The following SVOP variants were observed in gnomAD, a reference collection of about 807,000 sequenced individuals.
SVOP encodes SV2 related protein, also known as synaptic vesicle 2-related protein.
In SVOP, 17 loss-of-function variants were observed where a neutral mutation model predicts 69.1. The observed-to-expected ratio is 0.25, with a 90% CI of 0.17 to 0.37. SVOP has a LOEUF of 0.37. SVOP is among the 10% of genes least tolerant of loss of function. The probability of loss-of-function intolerance (pLI) is 1.00; values close to 1 mark genes in which losing one functional copy is unlikely to be tolerated. For synonymous variants in SVOP, 238 were observed against 238.6 expected (o/e 1.00, Z 0.02); for missense variants, 435 against 597.5 (o/e 0.73, Z 2.84).
intron 2 of SVOP, among the ~76,000 whole-genome samples, chr12:108,980,229 C>A (rs1163503217): frequency 4.6e-5 from 7 of 151,914 alleles, no homozygotes; most frequent in Non-Finnish European, 5.9e-5. Context: ...AACACTAAAC[C>A]CAATATGTTA....
intron 1 of SVOP, among the ~76,000 whole-genome samples, chr12:108,993,259 C>G (rs191614746): frequency 6.6e-6 from 1 of 151,884 alleles, no homozygotes; most frequent in African/African-American, 2.4e-5. Flanking sequence ...CCACCTACCT[C>G]GGACTCCCAA....
At chr12:108,914,227 G>T (rs1329259275) in intron 15 of SVOP, among the ~76,000 whole-genome samples, 1 of 152,236 alleles carries the variant, frequency 6.6e-6, no homozygotes, top group Non-Finnish European at 1.5e-5. Flanking sequence ...TGACTGCTTA[G>T]TGGATCCAGG....
At chr12:108,960,586 C>G (rs1475240469) in intron 6 of SVOP, among the ~76,000 whole-genome samples, 1 of 152,114 alleles carries the variant, frequency 6.6e-6, no homozygotes, top group Non-Finnish European at 1.5e-5. Context: ...TCAGTTTCCC[C>G]AACTGTAAAA....
intron 1 of SVOP, among the ~76,000 whole-genome samples, chr12:108,997,276 G>C (rs1013345969): frequency 5.3e-5 from 8 of 152,220 alleles, no homozygotes; most frequent in Non-Finnish European, 1.0e-4. Flanking sequence ...GGCGCACCAC[G>C]AGATTATATT....
intron 1 of SVOP, among the ~76,000 whole-genome samples, chr12:109,008,965 T>C (rs989066650): frequency 2.8e-5 from 4 of 142,306 alleles, no homozygotes; most frequent in Non-Finnish European, 6.1e-5. Flanking sequence ...TCTTTCTTTT[T>C]TTTTTTTTTT....
intron 11 of SVOP, among the ~76,000 whole-genome samples, chr12:108,929,166 T>C (rs1260379066): frequency 6.6e-6 from 1 of 152,232 alleles, no homozygotes; most frequent in Non-Finnish European, 1.5e-5. Context: ...TTAGATGAAA[T>C]ACGTTCATAT....
chr12:108,922,456 G>A (rs1479557144), intron 12 of SVOP, among the ~76,000 whole-genome samples: 1 of 152,176 alleles, frequency 6.6e-6, no homozygotes, highest in Non-Finnish European at 1.5e-5. Flanking sequence ...GGAGTCTCAT[G>A]TCTTCTGCCA....
At chr12:109,006,566 G>A (rs1027886035) in intron 1 of SVOP, among the ~76,000 whole-genome samples, 1 of 152,126 alleles carries the variant, frequency 6.6e-6, no homozygotes. Context: ...AGCCTTTATT[G>A]TGGTTTCCCA....
chr12:108,992,939 CAT>C (rs1216497843), intron 1 of SVOP, among the ~76,000 whole-genome samples: 1 of 152,140 alleles, frequency 6.6e-6, no homozygotes, highest in Non-Finnish European at 1.5e-5. Context: ...TGGGGTGGCA[CAT>C]GTGTCTGTAA....
intron 2 of SVOP, among the ~76,000 whole-genome samples, chr12:108,980,049 GC>G (rs1282222656): frequency 6.6e-5 from 10 of 151,760 alleles, no homozygotes; most frequent in African/African-American, 2.4e-4. Context: ...TGTGGCTCAC[GC>G]CTATGGTCCT....
intron 15 of SVOP, among the ~76,000 whole-genome samples, chr12:108,913,133 G>A (rs141650151): frequency 0.035 from 5,345 of 151,984 alleles, 326 homozygotes; most frequent in African/African-American, 0.12. Flanking sequence ...GTGCAATGGC[G>A]CAATCTTGGC....
chr12:108,986,030 C>T (rs984681269), intron 1 of SVOP, among the ~76,000 whole-genome samples: 30 of 152,290 alleles, frequency 2.0e-4, no homozygotes, highest in African/African-American at 6.5e-4. Context: ...CTGTCAGGCT[C>T]GTCTTGGCAG....
chr12:108,951,092 A>AT (rs1409747647), intron 6 of SVOP, among the ~76,000 whole-genome samples: 9 of 152,148 alleles, frequency 5.9e-5, no homozygotes, highest in Admixed American at 4.6e-4. Flanking sequence ...TCAGCCTGGC[A>AT]TTTTTGCCTG....
chr12:108,956,341 G>C (rs1460960839), intron 6 of SVOP, among the ~76,000 whole-genome samples: 1 of 151,308 alleles, frequency 6.6e-6, no homozygotes, highest in African/African-American at 2.4e-5. Flanking sequence ...CTTCTAGGCT[G>C]TCTCTTCCAG....
At chr12:109,000,512 A>G (rs2040262415) in intron 1 of SVOP, among the ~76,000 whole-genome samples, 1 of 46,690 alleles carries the variant, frequency 2.1e-5, no homozygotes, top group African/African-American at 8.6e-5. Context: ...CAACCAAAAA[A>G]GAGAATTTTA....
rs557587680 is a variant in SVOP at position 108,979,624 on chromosome 12, T to C, written c.197-961A>G. 1.1e-4 allele frequency among the ~76,000 whole-genome samples: 17 copies of C among 152,236 alleles called. 1 individual carries two copies. In the South Asian group the frequency reaches 3.1e-3, roughly 28 times the overall value. On this transcript the variant is annotated intron_variant, in intron 2 of 15. Transcript: ENST00000610966. The stretch of plus-strand genomic sequence containing the variant: ...TATATTGTTAAGTGAAAAGCAAAAG[T>C]TGTGGAAAGGTATGTACCAGAGGAG...
In SVOP at chr12:108,953,941, G is replaced by A. The variant is rs564260240; in HGVS notation, c.578+6982C>T. Among the ~76,000 whole-genome samples, 21 of 151,856 alleles carry A rather than the reference G, an allele frequency of 1.4e-4. No homozygotes were observed. The East Asian group carries it at 2.1e-3, about 15-fold the overall frequency. The stretch of plus-strand genomic sequence containing the variant: ...AGCCTGGTCAACATGGTGAAACCCC[G>A]TCTCTATTAAAAATACAAAAATTAG... On this transcript the variant is annotated intron_variant, in intron 6 of 15. Coordinates refer to ENST00000610966, the MANE Select transcript of SVOP (RefSeq NM_018711.5).
At position 108,915,926 on chromosome 12, in the gene SVOP, C is replaced by T. The variant is rs1000160558; in HGVS notation, c.1351-54G>A. 40 of 1,482,266 alleles carry T rather than the reference C, an allele frequency of 2.7e-5. No individual in the cohort carries two copies. In the East Asian group the frequency reaches 9.7e-4, roughly 36 times the overall value. The allele number at this position is 1,482,266 out of a possible 1,614,324, so 91.8% of individuals were successfully genotyped here. ...GGGGACATGCAGGTTCCTCCCACCA[C>T]TCCAGCTCCAAGCTGATAGGACCAA... On this transcript the variant is annotated intron_variant, in intron 14 of 15. Transcript: ENST00000610966.
Position 108,912,437 on chromosome 12 carries a change from G to A in SVOP, c.*98C>T. 1 of 1,574,342 alleles carries A rather than the reference G, an allele frequency of 6.4e-7. No individual in the cohort carries two copies. The highest frequency in any genetic ancestry group is 8.6e-7 in the Non-Finnish European group (1 of 1,158,678). On this transcript the variant is annotated 3_prime_UTR_variant, in exon 16 of 16. Coordinates refer to ENST00000610966, the MANE Select transcript of SVOP (RefSeq NM_018711.5). ...TGGTCCAGGTCATACTCTTGGGTGAGTTCTTGATGTCGGCAGTGACAATCA... is the reference window on the plus strand; with the variant it reads ...TGGTCCAGGTCATACTCTTGGGTGAATTCTTGATGTCGGCAGTGACAATCA...
Sources: allele counts gnomAD v4.1 joint callset (sites outside exome capture counted in the v4.1 genomes callset), GRCh38; gene constraint gnomAD v4.1.1; transcripts MANE v1.5; gene names NCBI Gene and HGNC (gene_info 2026-07-23, HGNC 2026-07-21).